LACTBL1: variants seen among roughly 807,000 people sequenced by gnomAD.
The protein encoded by LACTBL1 is lactamase beta like 1.
LACTBL1 carries 29 observed loss-of-function variants against 39.6 expected under a neutral mutation model. That is an observed-to-expected ratio of 0.73 (90% confidence interval 0.55 to 1.00). The LOEUF is 1.00. LACTBL1 is among the 50% of genes least tolerant of loss of function. The pLI, the probability that LACTBL1 is intolerant of heterozygous loss-of-function variation, is 0.00. For missense variants in LACTBL1, 711 were observed against 748.5 expected (o/e 0.95, Z 0.59); for synonymous variants, 361 against 360.7 (o/e 1.00, Z -0.01).
At chr1:22,954,977 T>C (rs1441245619) in intron 5 of LACTBL1, among the ~76,000 whole-genome samples, 2 of 152,298 alleles carry the variant, frequency 1.3e-5, no homozygotes, top group Admixed American at 6.5e-5. Flanking sequence ...CCTGGCAAAA[T>C]CTGTATTCAC....
chr1:22,968,458 T>C (rs890580833), upstream of LACTBL1, among the ~76,000 whole-genome samples: 2 of 152,242 alleles, frequency 1.3e-5, no homozygotes, highest in African/African-American at 2.4e-5. Flanking sequence ...TGCATCTTCT[T>C]GGTGACTAAT....
intron 4 of LACTBL1, among the ~76,000 whole-genome samples, chr1:22,955,691 A>G (rs1158271076): frequency 6.6e-6 from 1 of 152,204 alleles, no homozygotes; most frequent in African/African-American, 2.4e-5. Flanking sequence ...AGGGCTGATT[A>G]GATTAGATTG....
chr1:22,971,831 T>C, the LACTBL1 span, among the ~76,000 whole-genome samples: 2 of 152,164 alleles, frequency 1.3e-5, no homozygotes, highest in African/African-American at 4.8e-5. Context: ...TCCTACATCT[T>C]ATAGGGTTTA....
At chr1:22,954,092 CCA>C in intron 5 of LACTBL1, 68 bp from the exon 8 acceptor site, 1 of 1,456,486 alleles carries the variant, frequency 6.9e-7, no homozygotes, top group Non-Finnish European at 9.1e-7. Flanking sequence ...TGAAATGCCA[CCA>C]GTTTCATGGG....
upstream of LACTBL1, chr1:22,965,570 A>G: frequency 8.2e-6 from 2 of 244,142 alleles, no homozygotes; most frequent in Non-Finnish European, 1.3e-5. Context: ...CAGTTGTGAA[A>G]CCAATGCCCT....
chr1:22,966,238 T>C (rs1640874997), upstream of LACTBL1, among the ~76,000 whole-genome samples: 1 of 152,248 alleles, frequency 6.6e-6, no homozygotes. Flanking sequence ...TTGCCTCCTA[T>C]GTGCTAGGCA....
intron 5 of LACTBL1, among the ~76,000 whole-genome samples, chr1:22,955,056 A>G (rs1640747605): frequency 6.6e-6 from 1 of 152,244 alleles, no homozygotes; most frequent in South Asian, 2.1e-4. Context: ...CCGGGTGTTT[A>G]TCACCTTCTG....
At chr1:22,953,170 T>A (rs1640720318) in exon 6 of LACTBL1, 1 of 1,232,160 alleles carries the variant, frequency 8.1e-7, no homozygotes, top group Non-Finnish European at 1.0e-6. Flanking sequence ...CTGCCCGTGC[T>A]GGGCCTCGAG....
intron 3 of LACTBL1, 91 bp from the exon 6 acceptor site, chr1:22,959,011 C>G (rs548569876): frequency 3.8e-6 from 3 of 794,734 alleles, no homozygotes; most frequent in Middle Eastern, 4.6e-4. Context: ...TTTTAGTGTT[C>G]TAGAAAAGCA....
chr1:22,953,889 G>A (rs749919686), exon 6 of LACTBL1: 2 of 1,549,894 alleles, frequency 1.3e-6, no homozygotes, highest in Non-Finnish European at 1.7e-6. Context: ...CGTCGGGCGT[G>A]AGGTCAAAGC....
chr1:22,972,008 T>G, the LACTBL1 span, among the ~76,000 whole-genome samples: 1 of 152,046 alleles, frequency 6.6e-6, no homozygotes, highest in East Asian at 1.9e-4. Context: ...GGAATGAGCT[T>G]GGGTCACTCC....
intron 2 of LACTBL1, among the ~76,000 whole-genome samples, chr1:22,960,736 A>G (rs1043360756): frequency 6.6e-6 from 1 of 151,646 alleles, no homozygotes; most frequent in Non-Finnish European, 1.5e-5. Flanking sequence ...TTCACTATTA[A>G]TACAGTGCCT....
At position 22,958,731 on chromosome 1, in the gene LACTBL1, TG is replaced by T. The variant is rs2124228855; in HGVS notation, c.506del (p.Pro169GlnfsTer37). On this transcript the variant is annotated frameshift_variant, in exon 4 of 6. Transcript: ENST00000426928. LOFTEE classifies it high-confidence loss of function. ...TTCGAAGGGTGACAGGTGAAGGCCT[TG>T]GGGCGGGGCCCACCTGCTCCAGCCC... The T allele has an allele frequency of 1.3e-6, 2 of 1,550,464 alleles. No individual in the cohort carries two copies. The highest frequency in any genetic ancestry group is 2.4e-5 in the East Asian group (1 of 40,908).
chr1:22,960,083 C>A lies in LACTBL1; in HGVS notation c.176G>T (p.Arg59Leu), dbSNP rs561883791. The A allele has an allele frequency of 1.9e-6, 3 of 1,550,612 alleles. No individual in the cohort carries two copies. In the South Asian group the frequency reaches 3.6e-5, roughly 18 times the overall value. The change falls in exon 3 of 6, where the codon CGC becomes CTC. Residue 59 changes from arginine (R) to leucine (L), a missense_variant. Physicochemically the swap from Arg to Leu is moderately radical, Grantham distance 102. Coordinates refer to ENST00000426928, the Ensembl canonical transcript of LACTBL1. ...CACGCCTGGGGCAGACATTGCCTGG[C>A]GCAGGATCTGGTCCACCTTGAGGGA... is the stretch of plus-strand genomic sequence containing the variant.
At chr1:22,964,662 C>G (rs1200503783) in intron 1 of LACTBL1, among the ~76,000 whole-genome samples, 1 of 152,246 alleles carries the variant, frequency 6.6e-6, no homozygotes, top group East Asian at 1.9e-4. Flanking sequence ...TTCTCAACAA[C>G]CCCATGACAT....
chr1:22,966,880 A>G (rs1049322220), upstream of LACTBL1, among the ~76,000 whole-genome samples: 5 of 151,738 alleles, frequency 3.3e-5, no homozygotes, highest in South Asian at 2.1e-4. Flanking sequence ...TTCAATCCCT[A>G]CCTCCAGCCA....
At chr1:22,965,235 C>A in intron 1 of LACTBL1, 55 bp downstream of exon 3, 1 of 1,290,130 alleles carries the variant, frequency 7.8e-7, no homozygotes, top group Non-Finnish European at 9.9e-7. Context: ...CAGCTCAAAG[C>A]CCAGGAGGAC....
At chr1:22,966,134 C>A (rs1372713401), upstream of LACTBL1, among the ~76,000 whole-genome samples, 2 of 152,128 alleles carry the variant, frequency 1.3e-5, no homozygotes, top group African/African-American at 4.8e-5. Flanking sequence ...AATAATAGTA[C>A]CTACTTGTAT....
At chr1:22,968,245 G>T (rs116359325), upstream of LACTBL1, among the ~76,000 whole-genome samples, 3,056 of 152,256 alleles carry the variant, frequency 0.02, 36 homozygotes, top group Non-Finnish European at 0.029. Context: ...TAGTGTAGTA[G>T]TTAGAGCCCG....
Sources: gnomAD v4.1 joint callset for allele counts (sites outside exome capture counted in the v4.1 genomes callset) on GRCh38, gnomAD v4.1.1 for gene constraint, MANE v1.5 for transcripts, NCBI Gene and HGNC (gene_info 2026-07-23, HGNC 2026-07-21) for gene names.